Variants in NARS2 observed in about 807,000 individuals in gnomAD.
NARS2 encodes the protein asparaginyl-tRNA synthetase.
In NARS2, 60 loss-of-function variants were observed where a neutral mutation model predicts 62.9. The observed-to-expected ratio is 0.95, with a 90% CI of 0.77 to 1.18. The LOEUF (loss-of-function observed/expected upper bound fraction) is 1.18. NARS2 is among the 50% of genes most tolerant of loss of function. NARS2 has a pLI of 0.00. For missense variants in NARS2, 619 were observed against 576.4 expected (o/e 1.07, Z -0.76); for synonymous variants, 196 against 200.0 (o/e 0.98, Z 0.17).
At chr11:78,503,620 G>T (rs113445894) in intron 6 of NARS2, among the ~76,000 whole-genome samples, 1,607 of 152,248 alleles carry the variant, frequency 0.011, 42 homozygotes, top group African/African-American at 0.037. Context: ...TTCATAAAAA[G>T]GGTACACTTG....
chr11:78,530,097 A>C (rs1861425253), intron 5 of NARS2, among the ~76,000 whole-genome samples: 1 of 152,182 alleles, frequency 6.6e-6, no homozygotes, highest in Admixed American at 6.5e-5. Context: ...TTATTTTTAT[A>C]ATAACTGCCT....
intron 13 of NARS2, among the ~76,000 whole-genome samples, chr11:78,440,697 T>A (rs1480417587): frequency 1.3e-5 from 2 of 152,118 alleles, no homozygotes; most frequent in African/African-American, 4.8e-5. Flanking sequence ...CATACCCGGC[T>A]AATTTTTTTA....
intron 9 of NARS2, among the ~76,000 whole-genome samples, chr11:78,473,573 T>G (rs182904057): frequency 3.3e-5 from 5 of 152,366 alleles, no homozygotes; most frequent in Admixed American, 2.0e-4. Context: ...AAGACAATTT[T>G]TTATTTTAAT....
intron 9 of NARS2, among the ~76,000 whole-genome samples, chr11:78,476,069 A>T (rs1018944374): frequency 2.6e-5 from 4 of 152,222 alleles, no homozygotes; most frequent in Non-Finnish European, 5.9e-5. Flanking sequence ...TGAGCAAAGC[A>T]TGGGGGTGGA....
intron 10 of NARS2, among the ~76,000 whole-genome samples, chr11:78,468,548 G>A (rs1272036455): frequency 6.6e-6 from 1 of 151,114 alleles, no homozygotes; most frequent in Non-Finnish European, 1.5e-5. Flanking sequence ...GGGACTACAG[G>A]CGCCCGCCAC....
intron 11 of NARS2, among the ~76,000 whole-genome samples, chr11:78,445,841 T>C (rs1857741399): frequency 6.6e-6 from 1 of 152,114 alleles, no homozygotes; most frequent in Non-Finnish European, 1.5e-5. Flanking sequence ...ATGCCTGTGG[T>C]CCCGGCTACT....
chr11:78,567,076 A>C (rs905208239), intron 3 of NARS2, among the ~76,000 whole-genome samples: 3 of 152,182 alleles, frequency 2.0e-5, no homozygotes, highest in Non-Finnish European at 4.4e-5. Flanking sequence ...AGAATTCCCT[A>C]ATGTTGGAAT....
chr11:78,479,602 A>T lies in NARS2; in HGVS notation c.823-919T>A, dbSNP rs185096709. Among the ~76,000 whole-genome samples, 371 of 152,360 alleles carry T rather than the reference A, an allele frequency of 2.4e-3. 1 individual carries two copies. The highest frequency in any genetic ancestry group is 8.1e-3 in the African/African-American group (336 of 41,590). On this transcript the variant is annotated intron_variant, in intron 7 of 13. Coordinates refer to ENST00000281038, the MANE Select transcript of NARS2 (RefSeq NM_024678.6). ...TAGAAGGAAAAAAGTGACTGGAATG[A>T]AAAATATTTCTAAAATGTTTTTATT...
chr11:78,523,102 T>C (rs1861186004), intron 6 of NARS2, among the ~76,000 whole-genome samples: 1 of 152,176 alleles, frequency 6.6e-6, no homozygotes, highest in Non-Finnish European at 1.5e-5. Flanking sequence ...GACAATCCAA[T>C]TTTAAAAATA....
rs183790692 is a variant in NARS2 at position 78,551,953 on chromosome 11, G to A, written c.594+7586C>T. ...TTTATTTCCTATGATTCACCAATAC[G>A]AACCTTCTCATGTATCTCTCCACCC... On this transcript the variant is annotated intron_variant, in intron 5 of 13. Coordinates refer to ENST00000281038, the MANE Select transcript of NARS2 (RefSeq NM_024678.6). Among the ~76,000 whole-genome samples the A allele has an allele frequency of 5.6e-4, 85 of 152,020 alleles. No individual in the cohort carries two copies. In the South Asian group the frequency reaches 6.2e-3, roughly 11 times the overall value.
chr11:78,491,834 A>G (rs925509583), intron 7 of NARS2, among the ~76,000 whole-genome samples: 1 of 152,172 alleles, frequency 6.6e-6, no homozygotes, highest in African/African-American at 2.4e-5. Context: ...GGGTAATAAA[A>G]TAATTAGTCT....
intron 4 of NARS2, among the ~76,000 whole-genome samples, chr11:78,565,574 G>A (rs1377545080): frequency 6.6e-6 from 1 of 152,148 alleles, no homozygotes; most frequent in Non-Finnish European, 1.5e-5. Flanking sequence ...AGACCCAAGT[G>A]GCTAGAGTTC....
chr11:78,525,964 G>A (rs1178425228), intron 6 of NARS2, among the ~76,000 whole-genome samples: 3 of 151,978 alleles, frequency 2.0e-5, no homozygotes. Flanking sequence ...TCCACAGGTC[G>A]TAAAAAAGAA....
chr11:78,488,507 G>A (rs951981001), intron 7 of NARS2, among the ~76,000 whole-genome samples: 1 of 152,184 alleles, frequency 6.6e-6, no homozygotes, highest in African/African-American at 2.4e-5. Flanking sequence ...CAACTCTGCT[G>A]ACACCTTTTA....
intron 6 of NARS2, among the ~76,000 whole-genome samples, chr11:78,498,314 T>C (rs1860142602): frequency 6.6e-6 from 1 of 152,216 alleles, no homozygotes; most frequent in Non-Finnish European, 1.5e-5. Context: ...TTCCTAGTAC[T>C]GTCCTCGTTT....
At chr11:78,524,180 A>G (rs1234864201) in intron 6 of NARS2, among the ~76,000 whole-genome samples, 1 of 152,046 alleles carries the variant, frequency 6.6e-6, no homozygotes, top group African/African-American at 2.4e-5. Flanking sequence ...GATGATGACT[A>G]TTTTTCTTGG....
intron 6 of NARS2, among the ~76,000 whole-genome samples, chr11:78,498,882 T>C (rs908493204): frequency 7.0e-6 from 1 of 143,164 alleles, no homozygotes; most frequent in African/African-American, 2.5e-5. Context: ...GGCATCCTCA[T>C]CCTCAGTCTT....
rs532552470 is a variant in NARS2, at chr11:78,454,626, T to G, written c.1165-10868A>C. ...TTATAAATTACCAAGTCTCAGGTGTTTTTTTTTTTTTTAATGTAGCCTCAT... is the reference window on the plus strand; with the variant it reads ...TTATAAATTACCAAGTCTCAGGTGTGTTTTTTTTTTTTAATGTAGCCTCAT... On this transcript the variant is annotated intron_variant, in intron 11 of 13. Transcript: ENST00000281038. Among the ~76,000 whole-genome samples, 267 of 145,416 alleles carry G rather than the reference T, an allele frequency of 1.8e-3. 3 individuals carry two copies. Among genetic ancestry groups the G allele is most frequent in the Middle Eastern group, 7.0e-3 (2 of 284 alleles).
chr11:78,455,921 C>T (rs4945277), intron 11 of NARS2, among the ~76,000 whole-genome samples: 38,495 of 150,434 alleles, frequency 0.26, 5,450 homozygotes, highest in East Asian at 0.41. Flanking sequence ...AATGTTTTAA[C>T]GTTATGCTTG....
Sources: gnomAD v4.1 joint callset for allele counts (sites outside exome capture counted in the v4.1 genomes callset) on GRCh38, gnomAD v4.1.1 for gene constraint, MANE v1.5 for transcripts, NCBI Gene and HGNC (gene_info 2026-07-23, HGNC 2026-07-21) for gene names.